RXRA: variants seen among roughly 807,000 people sequenced by gnomAD.
RXRA encodes retinoic acid receptor RXR-alpha.
RXRA carries 5 observed loss-of-function variants against 44.5 expected under a neutral mutation model. The observed-to-expected ratio is 0.11, with a 90% CI of 0.06 to 0.24. RXRA has a LOEUF of 0.24. RXRA is among the 10% of genes least tolerant of loss of function. RXRA has a pLI of 1.00. For missense variants in RXRA, 412 were observed against 646.5 expected, an observed-to-expected ratio of 0.64 and a Z score of 3.93; for synonymous variants, 291 against 271.4, an observed-to-expected ratio of 1.07 and a Z score of -0.71.
rs953089278 is a variant in RXRA at position 134,358,689 on chromosome 9, T to C, written c.28+32030T>C. Reference sequence around the variant, plus strand: ...TCCCCTCCCCGCCCCTCCCTGGTCGTCTGCAGGACTGGGCAGAGCCCCTGG... The same window carrying C: ...TCCCCTCCCCGCCCCTCCCTGGTCGCCTGCAGGACTGGGCAGAGCCCCTGG... On this transcript the variant is annotated intron_variant, in intron 1 of 9. Transcript: ENST00000481739. Among the ~76,000 whole-genome samples, 73 of 150,760 alleles carry C rather than the reference T, an allele frequency of 4.8e-4. 2 individuals are homozygous for C. Among genetic ancestry groups the C allele is most frequent in the Non-Finnish European group, 7.0e-4 (47 of 67,620 alleles).
chr9:134,344,629 A>T (rs1274455435), intron 1 of RXRA, among the ~76,000 whole-genome samples: 1 of 152,012 alleles, frequency 6.6e-6, no homozygotes, highest in Non-Finnish European at 1.5e-5. Context: ...GCCTCTGAGA[A>T]CTGTGCTTCT....
intron 1 of RXRA, among the ~76,000 whole-genome samples, chr9:134,397,672 C>T (rs1304472600): frequency 1.3e-5 from 2 of 152,184 alleles, no homozygotes; most frequent in East Asian, 3.9e-4. Flanking sequence ...GCCTGGGGTT[C>T]GGAGTCACAC....
rs142438032 is a variant in RXRA, at chr9:134,352,639, C to T, written c.28+25980C>T. On this transcript the variant is annotated intron_variant, in intron 1 of 9. Transcript: ENST00000481739. ...CACCCTGGCTGAGCCCTGCAGCTCC[C>T]GGGGTGCTGGCTTGACACAGAGGGT... is the stretch of plus-strand genomic sequence containing the variant. Among the ~76,000 whole-genome samples, 688 of 152,298 alleles carry T rather than the reference C, an allele frequency of 4.5e-3. 7 individuals are homozygous for T. The highest frequency in any genetic ancestry group is 0.015 in the African/African-American group (613 of 41,564).
intron 1 of RXRA, among the ~76,000 whole-genome samples, chr9:134,339,740 T>G (rs1830062053): frequency 6.7e-6 from 1 of 149,746 alleles, no homozygotes; most frequent in Non-Finnish European, 1.5e-5. Context: ...TGTGTCTATG[T>G]GTGAGATCCC....
In RXRA at chr9:134,342,328, G is replaced by A. The variant is rs1830095513; in HGVS notation, c.28+15669G>A. 6.6e-6 allele frequency among the ~76,000 whole-genome samples: 1 copy of A among 152,164 alleles called. No individual in the cohort carries two copies. Among genetic ancestry groups the A allele is most frequent in the Admixed American group, 6.5e-5 (1 of 15,282 alleles). On this transcript the variant is annotated intron_variant, in intron 1 of 9. Coordinates refer to ENST00000481739, the MANE Select transcript of RXRA (RefSeq NM_002957.6). The surrounding 1 kb of genome is among the most constrained non-coding windows in gnomAD (Gnocchi z 4.4). ...CCCATTGCCCTCCCAGAACCCTGGG[G>A]GAGGGAGTTGCCCTCATTTACAGAG... is the stretch of plus-strand genomic sequence containing the variant.
At chr9:134,391,401 C>T (rs560136805) in intron 1 of RXRA, among the ~76,000 whole-genome samples, 28 of 152,312 alleles carry the variant, frequency 1.8e-4, no homozygotes, top group Admixed American at 4.6e-4. Context: ...TCTGAGCCAC[C>T]GAGAGCAACA....
intron 1 of RXRA, among the ~76,000 whole-genome samples, chr9:134,354,612 A>G (rs1384390575): frequency 3.9e-5 from 6 of 152,152 alleles, no homozygotes; most frequent in African/African-American, 1.4e-4. Context: ...CTCCCTGGTG[A>G]TTCTGTTGTG....
chr9:134,429,451 C>G (rs1240747898), intron 7 of RXRA, among the ~76,000 whole-genome samples: 1 of 152,256 alleles, frequency 6.6e-6, no homozygotes, highest in Non-Finnish European at 1.5e-5. Flanking sequence ...ACAGGGAGCA[C>G]TTGGCCTATC....
intron 1 of RXRA, among the ~76,000 whole-genome samples, chr9:134,330,873 G>C (rs1333025541): frequency 1.3e-5 from 2 of 152,220 alleles, no homozygotes; most frequent in African/African-American, 4.8e-5. Flanking sequence ...AAGGCAGCCT[G>C]GTGTGTTGTA....
In RXRA at chr9:134,381,961, G is replaced by A. The variant is rs113416427; in HGVS notation, c.29-19671G>A. On this transcript the variant is annotated intron_variant, in intron 1 of 9. Transcript: ENST00000481739. ...GTACCTGTGGGCAGGTGAAGCCACC[G>A]CTCCCTCGGTGTAGCAGTCAGTGTG... 3.5e-3 allele frequency among the ~76,000 whole-genome samples: 540 copies of A among 152,250 alleles called. 2 individuals carry two copies. Among genetic ancestry groups the A allele is most frequent in the Admixed American group, 5.3e-3 (81 of 15,300 alleles).
chr9:134,376,192 C>A (rs1328841723), intron 1 of RXRA, among the ~76,000 whole-genome samples: 2 of 152,214 alleles, frequency 1.3e-5, no homozygotes, highest in East Asian at 1.9e-4. Context: ...CGCAGCCAGG[C>A]CTTCTTGTGG....
At chr9:134,392,478 C>G (rs1325928347) in intron 1 of RXRA, among the ~76,000 whole-genome samples, 1 of 152,202 alleles carries the variant, frequency 6.6e-6, no homozygotes, top group Non-Finnish European at 1.5e-5. Flanking sequence ...ATGGCAGGAG[C>G]TCCTTTTTGG....
chr9:134,427,576 G>A (rs1831455726), intron 6 of RXRA, among the ~76,000 whole-genome samples: 1 of 152,226 alleles, frequency 6.6e-6, no homozygotes, highest in Admixed American at 6.5e-5. Context: ...AGCACACCTG[G>A]GCGGGGCGGC....
intron 1 of RXRA, among the ~76,000 whole-genome samples, chr9:134,378,349 C>CA (rs1252121375): frequency 5.5e-4 from 24 of 43,448 alleles, no homozygotes; most frequent in Admixed American, 4.1e-3. Flanking sequence ...GCGTGTGTGC[C>CA]GGCCAGCGCC....
chr9:134,388,976 C>G (rs1452907566), intron 1 of RXRA, among the ~76,000 whole-genome samples: 1 of 152,158 alleles, frequency 6.6e-6, no homozygotes, highest in Non-Finnish European at 1.5e-5. Flanking sequence ...CTGGATGCCC[C>G]AGAGGGCTGA....
chr9:134,376,140 G>A (rs890576772), intron 1 of RXRA, among the ~76,000 whole-genome samples: 1 of 152,144 alleles, frequency 6.6e-6, no homozygotes, highest in Non-Finnish European at 1.5e-5. Flanking sequence ...CCCTCCCACC[G>A]GCCCCGCTGG....
At chr9:134,427,783 T>G (rs1211981752) in intron 6 of RXRA, among the ~76,000 whole-genome samples, 2 of 152,182 alleles carry the variant, frequency 1.3e-5, no homozygotes, top group Non-Finnish European at 2.9e-5. Flanking sequence ...CATGCCTCAG[T>G]TTCCCCCTCT....
intron 6 of RXRA, chr9:134,423,564 T>A: frequency 1.0e-6 from 1 of 985,080 alleles, no homozygotes; most frequent in Non-Finnish European, 1.2e-6. Context: ...CTTCTGGCCA[T>A]ACTGGGCCCC....
At position 134,342,391 on chromosome 9, in the gene RXRA, G is replaced by T. The variant is rs1271370562; in HGVS notation, c.28+15732G>T. Among the ~76,000 whole-genome samples the T allele has an allele frequency of 6.6e-6, 1 of 152,168 alleles. No individual in the cohort carries two copies. The highest frequency in any genetic ancestry group is 1.5e-5 in the Non-Finnish European group (1 of 68,028). Reference sequence around the variant, plus strand: ...CAGAGAGGCTGAGCCGATCTTCAAGGCCACACAGCTTGTGGGCATGGAGGG... The same window carrying T: ...CAGAGAGGCTGAGCCGATCTTCAAGTCCACACAGCTTGTGGGCATGGAGGG... On this transcript the variant is annotated intron_variant, in intron 1 of 9. Transcript: ENST00000481739. This position sits in a 1 kb window ranked among gnomAD's most constrained non-coding sequence, Gnocchi z 4.4.
Sources: gnomAD v4.1 joint callset for allele counts (sites outside exome capture counted in the v4.1 genomes callset) on GRCh38, gnomAD v4.1.1 for gene constraint, Gnocchi (gnomAD v3.1) non-coding constraint, MANE v1.5 for transcripts, NCBI Gene and HGNC (gene_info 2026-07-23, HGNC 2026-07-21) for gene names.